Variants in UMODL1 observed in about 807,000 individuals in gnomAD.
UMODL1 encodes the protein uromodulin like 1.
In UMODL1, 128 loss-of-function variants were observed where a neutral mutation model predicts 136.3. That is an observed-to-expected ratio of 0.94 (90% CI 0.81 to 1.09). UMODL1 has a LOEUF of 1.09. Among genes scored for constraint, UMODL1 ranks in the 50% least tolerant of loss-of-function variants. UMODL1 has a pLI of 0.00. For synonymous variants in UMODL1, 721 were observed against 720.0 expected (o/e 1.00, Z -0.02); for missense variants, 1,766 against 1,725.6 (o/e 1.02, Z -0.41).
At chr21:42,129,638 C>A (rs2067106730) in intron 20 of UMODL1, 75 bp from the exon 21 acceptor site, 3 of 1,350,222 alleles carry the variant, frequency 2.2e-6, no homozygotes, top group Non-Finnish European at 2.0e-6. Context: ...ACATTAGCAT[C>A]CTTGATAGTA....
chr21:42,077,374 G>A (rs752713929), intron 2 of UMODL1, among the ~76,000 whole-genome samples: 5 of 151,922 alleles, frequency 3.3e-5, no homozygotes, highest in South Asian at 4.2e-4. Context: ...ACCGAGAGAC[G>A]GCTAACGCTA....
chr21:42,108,225 T>C (rs1362900307), intron 9 of UMODL1: 2 of 467,058 alleles, frequency 4.3e-6, no homozygotes, highest in African/African-American at 4.0e-5. Flanking sequence ...GTGCCTCTGC[T>C]GTCCTCCGTG....
At chr21:42,084,015 A>AG in intron 2 of UMODL1, 69 bp from the exon 3 acceptor site, 1 of 1,561,008 alleles carries the variant, frequency 6.4e-7, no homozygotes, top group Non-Finnish European at 8.7e-7. Context: ...CACCGACGTG[A>AG]GGTCCCCGTG....
chr21:42,130,221 C>CTTGTGTGTGT (rs1555933370), intron 21 of UMODL1, among the ~76,000 whole-genome samples: 7 of 150,464 alleles, frequency 4.7e-5, no homozygotes, highest in Admixed American at 2.6e-4. Context: ...GCCATGTCAA[C>CTTGTGTGTGT]GTGTGTGTGT....
chr21:42,099,968 A>T lies in UMODL1; in HGVS notation c.1186+788A>T, dbSNP rs1381660080. 6.6e-6 allele frequency among the ~76,000 whole-genome samples: 1 copy of T among 152,152 alleles called. No homozygotes were observed. The highest frequency in any genetic ancestry group is 1.5e-5 in the Non-Finnish European group (1 of 68,014). The stretch of plus-strand genomic sequence containing the variant: ...CCAAAACACACACGACACACACATG[A>T]ACTTGGGGCTTGTGTCAGGAAGGCA... On this transcript the variant is annotated intron_variant, in intron 7 of 22. Coordinates refer to ENST00000408910, the MANE Select transcript of UMODL1 (RefSeq NM_001004416.3). This position sits in a 1 kb window ranked among gnomAD's most constrained non-coding sequence, Gnocchi z 4.1.
chr21:42,072,042 C>CT, intron 1 of UMODL1, among the ~76,000 whole-genome samples: 1 of 74,106 alleles, frequency 1.3e-5, no homozygotes, highest in Non-Finnish European at 2.8e-5. Context: ...AGCAAAAGCC[C>CT]CCAAACAAAC....
chr21:42,105,980 C>G (rs1171765691), intron 9 of UMODL1, among the ~76,000 whole-genome samples: 1 of 152,228 alleles, frequency 6.6e-6, no homozygotes, highest in Non-Finnish European at 1.5e-5. Flanking sequence ...TCTGCAGGCT[C>G]TTGCCCGGCA....
At chr21:42,118,253 C>A (rs1203335615) in intron 14 of UMODL1, among the ~76,000 whole-genome samples, 1 of 152,246 alleles carries the variant, frequency 6.6e-6, no homozygotes, top group East Asian at 1.9e-4. Flanking sequence ...TCTACTGAGC[C>A]AACCAAGGGC....
At chr21:42,067,663 T>C (rs1028337206), upstream of UMODL1, among the ~76,000 whole-genome samples, 1 of 152,192 alleles carries the variant, frequency 6.6e-6, no homozygotes, top group African/African-American at 2.4e-5. Flanking sequence ...TAGCTATGCC[T>C]TTGCTGTGTT....
At chr21:42,100,276 A>G (rs1240970591) in intron 7 of UMODL1, among the ~76,000 whole-genome samples, 1 of 152,184 alleles carries the variant, frequency 6.6e-6, no homozygotes, top group Admixed American at 6.5e-5. Context: ...TACAGAGCAT[A>G]CAAGTTGCTG....
chr21:42,074,680 G>C lies in UMODL1; in HGVS notation c.77-1325G>C, dbSNP rs576590791. On this transcript the variant is annotated intron_variant, in intron 1 of 22. Transcript: ENST00000408910. ...AACCTGATGCTTGTCCTGCAGCGGG[G>C]GTGACTGTGCCTCCTCCTGATCACA... 6.6e-5 allele frequency among the ~76,000 whole-genome samples: 10 copies of C among 152,220 alleles called. No homozygotes were observed. In the East Asian group the frequency reaches 1.9e-3, roughly 29 times the overall value.
chr21:42,134,834 C>T (rs537139802), intron 21 of UMODL1, among the ~76,000 whole-genome samples: 5 of 151,748 alleles, frequency 3.3e-5, no homozygotes, highest in South Asian at 2.1e-4. Context: ...CCATGTTGGC[C>T]AGGATGGTCT....
chr21:42,124,268 C>G (rs1361506765), intron 17 of UMODL1, among the ~76,000 whole-genome samples: 1 of 152,238 alleles, frequency 6.6e-6, no homozygotes, highest in African/African-American at 2.4e-5. Context: ...TGGTACTGGA[C>G]ACAGGGGCCT....
At chr21:42,127,534 G>A in intron 19 of UMODL1, 138 bp from the exon 20 acceptor site, 2 of 1,075,818 alleles carry the variant, frequency 1.9e-6, no homozygotes, top group Non-Finnish European at 2.6e-6. Context: ...GGGAACAAAT[G>A]AGGTGCCCGG....
At chr21:42,074,917 T>C (rs1336124299) in intron 1 of UMODL1, among the ~76,000 whole-genome samples, 1 of 151,926 alleles carries the variant, frequency 6.6e-6, no homozygotes, top group Non-Finnish European at 1.5e-5. Context: ...TGTTTTTTTT[T>C]TCAGAGGGAG....
At chr21:42,100,949 C>G (rs1185298898) in intron 7 of UMODL1, among the ~76,000 whole-genome samples, 7 of 135,006 alleles carry the variant, frequency 5.2e-5, no homozygotes, top group Non-Finnish European at 9.4e-5. Flanking sequence ...CCCTCCCTAC[C>G]CACCAACCCC....
intron 1 of UMODL1, 31 bp from the exon 2 acceptor site, chr21:42,075,974 C>G (rs1223574582): frequency 1.2e-6 from 2 of 1,610,188 alleles, no homozygotes; most frequent in Non-Finnish European, 1.7e-6. Flanking sequence ...TCCTGGTGTT[C>G]TCAGTCGCCT....
At chr21:42,132,711 T>C (rs2067150732) in intron 21 of UMODL1, among the ~76,000 whole-genome samples, 3 of 151,348 alleles carry the variant, frequency 2.0e-5, no homozygotes, top group African/African-American at 4.8e-5. Context: ...ATAAGGTTGT[T>C]GTGAGTGTCT....
chr21:42,112,110 C>G (rs867971848), intron 12 of UMODL1, among the ~76,000 whole-genome samples: 1 of 151,886 alleles, frequency 6.6e-6, no homozygotes, highest in Non-Finnish European at 1.5e-5. Context: ...ATGACACCCC[C>G]ACAACAACTC....
Sources: allele counts gnomAD v4.1 joint callset (sites outside exome capture counted in the v4.1 genomes callset), GRCh38; gene constraint gnomAD v4.1.1; non-coding constraint Gnocchi (gnomAD v3.1); transcripts MANE v1.5; gene names NCBI Gene and HGNC (gene_info 2026-07-23, HGNC 2026-07-21).